MAPRE2: variants seen among roughly 807,000 people sequenced by gnomAD.
MAPRE2 encodes the protein microtubule-associated protein RP/EB family member 2.
In MAPRE2, 13 loss-of-function variants were observed where a neutral mutation model predicts 43.2. The observed-to-expected ratio is 0.30, with a 90% CI of 0.20 to 0.48. MAPRE2 has a LOEUF of 0.48. Ranked by LOEUF, MAPRE2 falls within the 20% of genes least tolerant of loss-of-function variation. The pLI is 0.99. For missense variants in MAPRE2, 161 were observed against 400.2 expected (o/e 0.40, Z 5.10); for synonymous variants, 135 against 148.8 (o/e 0.91, Z 0.68).
At chr18:35,024,047 TAAA>T (rs1372597131) in intron 2 of MAPRE2, among the ~76,000 whole-genome samples, 2 of 152,218 alleles carry the variant, frequency 1.3e-5, no homozygotes, top group African/African-American at 4.8e-5. Context: ...AAAAATAAGT[TAAA>T]TAACATAATT....
chr18:35,097,927 C>A (rs565670497), intron 3 of MAPRE2, among the ~76,000 whole-genome samples: 1 of 152,316 alleles, frequency 6.6e-6, no homozygotes, highest in Non-Finnish European at 1.5e-5. Context: ...GGAGAAACAT[C>A]ATGTCATGGC....
intron 4 of MAPRE2, among the ~76,000 whole-genome samples, chr18:35,112,184 C>CT (rs1163762591): frequency 0.026 from 3,654 of 140,950 alleles, 107 homozygotes; most frequent in African/African-American, 0.075. Context: ...TCCTTCCTTC[C>CT]TTTTTTTTTT....
intron 1 of MAPRE2, among the ~76,000 whole-genome samples, chr18:34,987,785 G>A (rs1310811639): frequency 6.6e-6 from 1 of 151,996 alleles, no homozygotes; most frequent in Non-Finnish European, 1.5e-5. Context: ...TGGGACTATA[G>A]CTGCATGCTG....
chr18:35,069,388 T>TA (rs11410396), intron 1 of MAPRE2, among the ~76,000 whole-genome samples: 32,719 of 146,804 alleles, frequency 0.22, 4,127 homozygotes, highest in East Asian at 0.51. Flanking sequence ...TCTGTTTTTT[T>TA]TAAAAATTAT....
At chr18:34,978,374 G>T in intron 1 of MAPRE2, 2 of 791,456 alleles carry the variant, frequency 2.5e-6, no homozygotes, top group Non-Finnish European at 2.2e-6. Context: ...GCATAGTATC[G>T]ACCCTGGGGC....
At chr18:35,064,014 A>AAAAAAAAAAAAAAAAAAAAAAC in intron 1 of MAPRE2, among the ~76,000 whole-genome samples, 1 of 138,902 alleles carries the variant, frequency 7.2e-6, no homozygotes. Context: ...AAAAAAAAAA[A>AAAAAAAAAAAAAAAAAAAAAAC]AAAAAAAAAA....
chr18:35,063,329 G>A (rs1037771067), intron 1 of MAPRE2, among the ~76,000 whole-genome samples: 2 of 151,946 alleles, frequency 1.3e-5, no homozygotes, highest in Admixed American at 6.6e-5. Flanking sequence ...GGATGGTCTT[G>A]ATCTCCTGAC....
chr18:35,045,796 A>G (rs1423317207), intron 1 of MAPRE2, among the ~76,000 whole-genome samples: 1 of 152,218 alleles, frequency 6.6e-6, no homozygotes, highest in African/African-American at 2.4e-5. Flanking sequence ...ATCTAGGTTT[A>G]ATACTGTCAA....
At chr18:35,111,532 A>AC (rs1464851653) in intron 4 of MAPRE2, among the ~76,000 whole-genome samples, 2 of 152,054 alleles carry the variant, frequency 1.3e-5, no homozygotes, top group Non-Finnish European at 2.9e-5. Context: ...TGAAGACTGG[A>AC]TTTTGTTATA....
chr18:35,011,290 A>G (rs1240172839), intron 2 of MAPRE2, among the ~76,000 whole-genome samples: 1 of 152,220 alleles, frequency 6.6e-6, no homozygotes, highest in Non-Finnish European at 1.5e-5. Flanking sequence ...GAAAAGGAAG[A>G]GCTAGCCAAG....
rs1010485566 is a variant in MAPRE2 at position 35,141,668 on chromosome 18, T to C, written c.*1299T>C. The C allele has an allele frequency of 5.9e-5, 9 of 152,154 alleles. No homozygotes were observed. The highest frequency in any genetic ancestry group is 1.7e-4 in the African/African-American group (7 of 41,412). The allele number at this position is 152,154 out of a possible 1,614,324, so 9.4% of individuals were successfully genotyped here. A position where few individuals can be genotyped will look rare whatever the true frequency, so the allele number is the denominator to read the frequency against. ...CAAGTCTTTGCCTCTTTTTTTTCTT[T>C]ATTTTTATTTTTTCCTTTGACAGAT... On this transcript the variant is annotated 3_prime_UTR_variant, in exon 7 of 7. Coordinates refer to ENST00000300249, the MANE Select transcript of MAPRE2 (RefSeq NM_014268.4).
intron 1 of MAPRE2, among the ~76,000 whole-genome samples, chr18:34,993,190 A>C (rs1460064597): frequency 6.6e-6 from 1 of 152,010 alleles, no homozygotes; most frequent in Admixed American, 6.6e-5. Flanking sequence ...CTGCAGCTTC[A>C]AACTCCCGGG....
chr18:35,072,020 T>C lies in MAPRE2; in HGVS notation c.250+1698T>C, dbSNP rs1457412635. 3.3e-5 allele frequency among the ~76,000 whole-genome samples: 5 copies of C among 152,228 alleles called. No homozygotes were observed. In the South Asian group the frequency reaches 6.2e-4, roughly 19 times the overall value. On this transcript the variant is annotated intron_variant, in intron 2 of 6. Transcript: ENST00000300249. ...CTACGATGATGATGTACCAGGCATGTATATTGTTGATCTACTGAAATGTCT... is the reference window on the plus strand; with the variant it reads ...CTACGATGATGATGTACCAGGCATGCATATTGTTGATCTACTGAAATGTCT...
chr18:35,064,000 T>TAA (rs575347953), intron 1 of MAPRE2, among the ~76,000 whole-genome samples: 1,357 of 33,658 alleles, frequency 0.04, 97 homozygotes, highest in East Asian at 0.15. Context: ...CCTGTCTCTT[T>TAA]AAAAAAAAAA....
At chr18:35,100,435 C>T (rs1036019962) in intron 3 of MAPRE2, among the ~76,000 whole-genome samples, 2 of 152,116 alleles carry the variant, frequency 1.3e-5, no homozygotes, top group African/African-American at 4.8e-5. Flanking sequence ...AAAACAACTA[C>T]CATTCAACCC....
intron 4 of MAPRE2, among the ~76,000 whole-genome samples, chr18:35,115,576 G>C (rs796206014): frequency 6.6e-6 from 1 of 151,088 alleles, no homozygotes; most frequent in Non-Finnish European, 1.5e-5. Context: ...TTATGCCTTT[G>C]CATCCTCATA....
rs1910749100 is a variant in MAPRE2 at position 35,143,266 on chromosome 18, A to G, written c.*2897A>G. ...ATATATTAAATGTAAACTGAAAGGA[A>G]TGTAAACATATGTATTGTTAATTAT... On this transcript the variant is annotated 3_prime_UTR_variant, in exon 7 of 7. Coordinates refer to ENST00000300249, the MANE Select transcript of MAPRE2 (RefSeq NM_014268.4). 1.3e-5 allele frequency: 2 copies of G among 152,264 alleles called. No homozygotes were observed. Among genetic ancestry groups the G allele is most frequent in the South Asian group, 4.1e-4 (2 of 4,822 alleles). 9.4% of individuals were successfully genotyped at this position (152,264 alleles called of 1,614,324 possible).
intron 1 of MAPRE2, among the ~76,000 whole-genome samples, chr18:34,994,161 G>A (rs1176818385): frequency 6.6e-6 from 1 of 151,790 alleles, no homozygotes; most frequent in Non-Finnish European, 1.5e-5. Context: ...CTGTCCCCAT[G>A]GGGAATGAAA....
At chr18:35,069,458 C>CA (rs1907000109) in intron 1 of MAPRE2, among the ~76,000 whole-genome samples, 1 of 152,028 alleles carries the variant, frequency 6.6e-6, no homozygotes, top group South Asian at 2.1e-4. Flanking sequence ...GCACTTACTC[C>CA]AAAATAATCT....
Sources: allele counts gnomAD v4.1 joint callset (sites outside exome capture counted in the v4.1 genomes callset), GRCh38; gene constraint gnomAD v4.1.1; transcripts MANE v1.5; gene names NCBI Gene and HGNC (gene_info 2026-07-23, HGNC 2026-07-21).